Variants in SATL1 observed in about 807,000 individuals in gnomAD.
SATL1 encodes the protein spermidine/spermine N(1)-acetyltransferase-like protein 1.
A neutral mutation model predicts 51.8 loss-of-function variants in SATL1; 47 were observed. That is an observed-to-expected ratio of 0.91 (90% CI 0.72 to 1.16). SATL1 has a LOEUF of 1.16. Among genes scored for constraint, SATL1 ranks in the 50% most tolerant of loss-of-function variants. SATL1 has a pLI of 0.00. For synonymous variants in SATL1, 176 were observed against 182.4 expected (o/e 0.97, Z 0.28); for missense variants, 520 against 526.4 (o/e 0.99, Z 0.12).
At chrX:85,233,471 AG>A (rs1237297959) in intron 1 of SATL1, among the ~76,000 whole-genome samples, 2 of 112,568 alleles carry the variant, frequency 1.8e-5, no homozygotes, top group African/African-American at 3.2e-5. Flanking sequence ...TGAGTGACAG[AG>A]GTATGTGACC....
At chrX:85,156,296 C>T (rs976378258) in intron 2 of SATL1, 2 of 111,430 alleles carry the variant, frequency 1.8e-5, no homozygotes, top group Non-Finnish European at 1.9e-5. Flanking sequence ...TATCCTATGT[C>T]GTTGTTGTTT....
intron 2 of SATL1, among the ~76,000 whole-genome samples, chrX:85,218,715 G>A (rs974139686): frequency 1.8e-5 from 2 of 111,160 alleles, no homozygotes; most frequent in African/African-American, 6.5e-5. Context: ...TATGGACCTT[G>A]GTACTATAGT....
At chrX:85,118,100 T>TTTTTTTTTTTTTTTTTTTTTC (rs1925424985) in intron 2 of SATL1, among the ~76,000 whole-genome samples, 1 of 95,640 alleles carries the variant, frequency 1.0e-5, no homozygotes, top group Non-Finnish European at 2.1e-5. Context: ...TTTTTTTTTT[T>TTTTTTTTTTTTTTTTTTTTTC]TTTCCAGAGT....
At chrX:85,159,168 C>T (rs916069802) in intron 2 of SATL1, among the ~76,000 whole-genome samples, 1 of 111,693 alleles carries the variant, frequency 9.0e-6, no homozygotes, top group Non-Finnish European at 1.9e-5. Context: ...AGATTAACTC[C>T]ACCCTATAAG....
At chrX:85,148,134 C>A (rs2147718714) in intron 2 of SATL1, among the ~76,000 whole-genome samples, 1 of 111,513 alleles carries the variant, frequency 9.0e-6, no homozygotes, top group Non-Finnish European at 1.9e-5. Flanking sequence ...CTTAAAGGAG[C>A]TGATGGAGCT....
At chrX:85,120,691 G>A (rs1448171723) in intron 2 of SATL1, among the ~76,000 whole-genome samples, 4 of 111,992 alleles carry the variant, frequency 3.6e-5, no homozygotes, top group African/African-American at 1.3e-4. Context: ...AAGAAATATT[G>A]TGCTTAGTTA....
chrX:85,229,390 G>A (rs187087596), intron 1 of SATL1, among the ~76,000 whole-genome samples: 1 of 111,530 alleles, frequency 9.0e-6, no homozygotes, highest in Admixed American at 9.5e-5. Flanking sequence ...ATTAATCCTT[G>A]ATTAACAAAG....
chrX:85,123,612 G>A (rs763891229), intron 2 of SATL1, among the ~76,000 whole-genome samples: 2 of 111,407 alleles, frequency 1.8e-5, no homozygotes, highest in Non-Finnish European at 3.8e-5. Context: ...CCATTCTGTA[G>A]GTTGTCTGTT....
At chrX:85,095,959 GA>G in intron 4 of SATL1, among the ~76,000 whole-genome samples, 1 of 109,563 alleles carries the variant, frequency 9.1e-6, no homozygotes, top group South Asian at 4.0e-4. Context: ...AAATCCTGGG[GA>G]AAAAGGAGAA....
At chrX:85,127,616 T>A (rs1344766695) in intron 2 of SATL1, among the ~76,000 whole-genome samples, 1 of 111,688 alleles carries the variant, frequency 9.0e-6, no homozygotes, top group Non-Finnish European at 1.9e-5. Context: ...ACTTTTTCAA[T>A]CCAAATGACT....
chrX:85,179,358 A>G (rs1267900839), intron 2 of SATL1, among the ~76,000 whole-genome samples: 1 of 111,809 alleles, frequency 8.9e-6, no homozygotes, highest in Non-Finnish European at 1.9e-5. Flanking sequence ...ATTTAAAAAA[A>G]ATATCAGAAT....
chrX:85,165,798 A>G (rs1926822605), intron 2 of SATL1, among the ~76,000 whole-genome samples: 1 of 111,646 alleles, frequency 9.0e-6, no homozygotes, highest in African/African-American at 3.3e-5. Context: ...TATGAAACCA[A>G]AAAAGAGCCC....
At chrX:85,211,407 T>C (rs1469408113) in intron 2 of SATL1, 1 of 111,662 alleles carries the variant, frequency 9.0e-6, no homozygotes, top group Non-Finnish European at 1.9e-5. Flanking sequence ...TACTTATGTA[T>C]TGACTCAGAG....
chrX:85,166,181 A>G (rs1218257201), intron 2 of SATL1, among the ~76,000 whole-genome samples: 2 of 111,844 alleles, frequency 1.8e-5, no homozygotes, highest in Non-Finnish European at 3.8e-5. Flanking sequence ...ATTCTAGAAG[A>G]TAACACCAAA....
At chrX:85,109,573 C>A (rs988534148) in intron 2 of SATL1, among the ~76,000 whole-genome samples, 1 of 111,409 alleles carries the variant, frequency 9.0e-6, no homozygotes, top group Non-Finnish European at 1.9e-5. Flanking sequence ...AAGAAACTTG[C>A]CGCAACTCCC....
At chrX:85,103,954 A>C (rs1246300895) in intron 3 of SATL1, 39 bp from the exon 4 acceptor site, 1 of 976,267 alleles carries the variant, frequency 1.0e-6, no homozygotes, top group Non-Finnish European at 1.5e-6. Flanking sequence ...ATGATTTAGC[A>C]ATAAATTATT....
At chrX:85,163,635 T>A (rs1926770473) in intron 2 of SATL1, among the ~76,000 whole-genome samples, 1 of 111,744 alleles carries the variant, frequency 8.9e-6, no homozygotes, top group African/African-American at 3.2e-5. Context: ...GTATTTCATA[T>A]ATTTTAGATT....
chrX:85,113,021 C>CG (rs1411077712), intron 2 of SATL1, among the ~76,000 whole-genome samples: 1 of 111,057 alleles, frequency 9.0e-6, no homozygotes, highest in African/African-American at 3.3e-5. Flanking sequence ...TCTGACAGCG[C>CG]GGGGCTGGTG....
At chrX:85,236,346 G>GTAT (rs1230173087) in intron 1 of SATL1, among the ~76,000 whole-genome samples, 1 of 111,059 alleles carries the variant, frequency 9.0e-6, no homozygotes, top group Non-Finnish European at 1.9e-5. Context: ...TATGAAACCA[G>GTAT]TATTACCATG....
Sources: allele counts gnomAD v4.1 joint callset (sites outside exome capture counted in the v4.1 genomes callset), GRCh38; gene constraint gnomAD v4.1.1; transcripts MANE v1.5; gene names NCBI Gene and HGNC (gene_info 2026-07-23, HGNC 2026-07-21).